PAM: variants seen among roughly 807,000 people sequenced by gnomAD.
PAM encodes peptidyl-glycine alpha-amidating monooxygenase.
PAM carries 72 observed loss-of-function variants against 122.1 expected under a neutral mutation model. The ratio of observed to expected loss-of-function variants is 0.59; its 90% CI spans 0.49 to 0.72. The LOEUF is 0.72. Ranked by LOEUF, PAM falls within the 30% of genes least tolerant of loss-of-function variation. The pLI is 0.00. For synonymous variants in PAM, 389 were observed against 404.4 expected (o/e 0.96, Z 0.46); for missense variants, 1,106 against 1,183.7 (o/e 0.93, Z 0.96).
rs555575153 is a variant in PAM, at chr5:102,958,910, G to C, written c.906-965G>C. 7.9e-5 allele frequency among the ~76,000 whole-genome samples: 12 copies of C among 152,038 alleles called. No homozygotes were observed. In the South Asian group the frequency reaches 2.3e-3, roughly 29 times the overall value. ...AGCTTTTTTTTATTAGTGTAGGCTT[G>C]CTAAAAATTGTCAATACTAATACTA... On this transcript the variant is annotated intron_variant, in intron 12 of 25. Coordinates refer to ENST00000438793, the MANE Select transcript of PAM (RefSeq NM_001177306.2).
At chr5:102,793,285 T>G (rs1580183372) in intron 1 of PAM, among the ~76,000 whole-genome samples, 1 of 152,124 alleles carries the variant, frequency 6.6e-6, no homozygotes, top group East Asian at 1.9e-4. Flanking sequence ...CCCCTGCACT[T>G]TGGCAGATTC....
chr5:103,026,086 A>G (rs1297718146), intron 24 of PAM, among the ~76,000 whole-genome samples: 1 of 152,256 alleles, frequency 6.6e-6, no homozygotes, highest in Non-Finnish European at 1.5e-5. Context: ...TGAACAAGGC[A>G]GAGTCCAATA....
At chr5:102,775,429 A>G (rs753524225) in intron 1 of PAM, among the ~76,000 whole-genome samples, 20 of 152,052 alleles carry the variant, frequency 1.3e-4, no homozygotes, top group Non-Finnish European at 2.2e-4. Context: ...TGCTTCACCT[A>G]TCAACCCATC....
chr5:102,958,662 C>G (rs1159118068), intron 12 of PAM, among the ~76,000 whole-genome samples: 1 of 152,122 alleles, frequency 6.6e-6, no homozygotes, highest in Non-Finnish European at 1.5e-5. Flanking sequence ...ATTTCTAAAG[C>G]ATAAACAGAG....
intron 1 of PAM, among the ~76,000 whole-genome samples, chr5:102,781,702 A>G (rs1455322018): frequency 3.3e-5 from 5 of 152,228 alleles, no homozygotes; most frequent in Non-Finnish European, 5.9e-5. Context: ...TGATCTTTAG[A>G]ATGCATGCCA....
chr5:102,823,211 T>C (rs1234399172), intron 1 of PAM, among the ~76,000 whole-genome samples: 1 of 152,192 alleles, frequency 6.6e-6, no homozygotes, highest in Non-Finnish European at 1.5e-5. Flanking sequence ...AGGTTCCTGA[T>C]GTTTGTATAT....
At chr5:102,893,770 C>T (rs181376515) in intron 3 of PAM, among the ~76,000 whole-genome samples, 1 of 151,840 alleles carries the variant, frequency 6.6e-6, no homozygotes, top group Non-Finnish European at 1.5e-5. Flanking sequence ...TGGAAGTCAA[C>T]AAGCATCCAT....
At chr5:103,007,287 A>G (rs1200073536) in intron 19 of PAM, among the ~76,000 whole-genome samples, 170 bp from the exon 20 acceptor site, 1 of 152,098 alleles carries the variant, frequency 6.6e-6, no homozygotes, top group East Asian at 1.9e-4. Context: ...TCTGTAATGT[A>G]TTTGTGGATA....
intron 3 of PAM, among the ~76,000 whole-genome samples, chr5:102,890,718 T>C (rs2151270369): frequency 6.6e-6 from 1 of 152,034 alleles, no homozygotes; most frequent in South Asian, 2.1e-4. Flanking sequence ...AAAGCCGATT[T>C]TAAAGCATTG....
chr5:102,797,738 A>AT (rs1452513694), intron 1 of PAM, among the ~76,000 whole-genome samples: 2 of 152,138 alleles, frequency 1.3e-5, no homozygotes, highest in South Asian at 2.1e-4. Context: ...AAATACAAAC[A>AT]TTTTTTTAAA....
chr5:102,954,625 A>G (rs1402240258), intron 12 of PAM, among the ~76,000 whole-genome samples: 1 of 152,028 alleles, frequency 6.6e-6, no homozygotes, highest in Non-Finnish European at 1.5e-5. Context: ...TAATTGTTCT[A>G]TGAAGAAGCA....
At chr5:102,792,442 T>G (rs1762280379) in intron 1 of PAM, among the ~76,000 whole-genome samples, 1 of 152,198 alleles carries the variant, frequency 6.6e-6, no homozygotes, top group Non-Finnish European at 1.5e-5. Context: ...AGGTAGCAAT[T>G]ACATAAACTT....
intron 1 of PAM, among the ~76,000 whole-genome samples, chr5:102,782,723 CTCTGTGTGTGTG>C (rs1759359307): frequency 7.0e-6 from 1 of 143,626 alleles, no homozygotes; most frequent in African/African-American, 2.7e-5. Context: ...CTCTCTCTCT[CTCTGTGTGTGTG>C]TGTGTGTGTG....
intron 16 of PAM, among the ~76,000 whole-genome samples, chr5:102,997,160 AAAAAG>A: frequency 6.6e-6 from 1 of 152,184 alleles, no homozygotes; most frequent in Non-Finnish European, 1.5e-5. Context: ...AACGAAACCT[AAAAAG>A]ACCCAGATAA....
At chr5:102,972,309 T>G (rs1402779160) in intron 14 of PAM, among the ~76,000 whole-genome samples, 1 of 152,096 alleles carries the variant, frequency 6.6e-6, no homozygotes, top group Non-Finnish European at 1.5e-5. Context: ...TGAGATGAGG[T>G]CTGTCTCTGT....
chr5:103,013,533 A>G (rs1582908337), intron 21 of PAM, among the ~76,000 whole-genome samples: 1 of 152,114 alleles, frequency 6.6e-6, no homozygotes. Flanking sequence ...TTCCTTTCCA[A>G]TTTGATGTCC....
At chr5:102,768,093 A>C (rs258138) in intron 1 of PAM, among the ~76,000 whole-genome samples, 71,478 of 151,960 alleles carry the variant, frequency 0.47, 16,987 homozygotes, top group East Asian at 0.52. Context: ...GTGACAAAGA[A>C]TACTGCTAGT....
chr5:102,810,173 C>G (rs1425316875), intron 1 of PAM, among the ~76,000 whole-genome samples: 1 of 152,032 alleles, frequency 6.6e-6, no homozygotes, highest in Non-Finnish European at 1.5e-5. Context: ...TCTTCAATAA[C>G]TAGCTCTTTG....
intron 1 of PAM, among the ~76,000 whole-genome samples, chr5:102,854,569 T>A (rs1782138353): frequency 6.6e-6 from 1 of 152,134 alleles, no homozygotes; most frequent in East Asian, 1.9e-4. Context: ...GGATGTGTCT[T>A]AGGCCTGGAG....
Sources: allele counts gnomAD v4.1 joint callset (sites outside exome capture counted in the v4.1 genomes callset), GRCh38; gene constraint gnomAD v4.1.1; transcripts MANE v1.5; gene names NCBI Gene and HGNC (gene_info 2026-07-23, HGNC 2026-07-21).